Variants in NCAM2 observed in about 807,000 individuals in gnomAD.
NCAM2 encodes the protein N-CAM-2.
A neutral mutation model predicts 98.1 loss-of-function variants in NCAM2; 30 were observed. The observed-to-expected ratio is 0.31, with a 90% confidence interval of 0.23 to 0.41. The LOEUF is 0.41. NCAM2 is among the 10% of genes least tolerant of loss of function. The pLI, the probability that NCAM2 is intolerant of heterozygous loss-of-function variation, is 1.00. For synonymous variants in NCAM2, 368 were observed against 342.4 expected (o/e 1.07, Z -0.83); for missense variants, 867 against 1,005.8 (o/e 0.86, Z 1.87).
chr21:21,453,326 C>T (rs1478470956), intron 12 of NCAM2, among the ~76,000 whole-genome samples: 1 of 151,320 alleles, frequency 6.6e-6, no homozygotes, highest in African/African-American at 2.4e-5. Context: ...GGCATGATCA[C>T]ATAAATACCT....
At chr21:21,410,145 A>G (rs1028663658) in intron 9 of NCAM2, 129 bp from the exon 10 acceptor site, 4 of 601,732 alleles carry the variant, frequency 6.6e-6, no homozygotes, top group Non-Finnish European at 1.0e-5. Flanking sequence ...AAAGAAAAAA[A>G]AAAAATACAC....
At chr21:21,367,831 A>G (rs1389861522) in intron 8 of NCAM2, among the ~76,000 whole-genome samples, 1 of 151,918 alleles carries the variant, frequency 6.6e-6, no homozygotes, top group African/African-American at 2.4e-5. Flanking sequence ...TTTAGAGATT[A>G]TAGGTGCCAC....
chr21:21,448,092 C>A (rs34579318), intron 12 of NCAM2, among the ~76,000 whole-genome samples: 1 of 152,040 alleles, frequency 6.6e-6, no homozygotes, highest in Non-Finnish European at 1.5e-5. Context: ...GACACATGCA[C>A]ACGTATGTTT....
intron 5 of NCAM2, among the ~76,000 whole-genome samples, chr21:21,312,933 A>T (rs1390807776): frequency 6.6e-6 from 1 of 151,630 alleles, no homozygotes; most frequent in Non-Finnish European, 1.5e-5. Context: ...TTTTTGTTAT[A>T]TATTTTATTT....
At chr21:21,212,865 C>A (rs934300786) in intron 1 of NCAM2, among the ~76,000 whole-genome samples, 1 of 151,636 alleles carries the variant, frequency 6.6e-6, no homozygotes, top group African/African-American at 2.4e-5. Context: ...GCCTCAGCCT[C>A]CCGAGTAGCT....
In NCAM2 at chr21:21,066,944, A is replaced by G. The variant is rs530292825; in HGVS notation, c.55+68326A>G. 2.9e-3 allele frequency among the ~76,000 whole-genome samples: 437 copies of G among 152,114 alleles called. 2 individuals carry two copies. Among genetic ancestry groups the G allele is most frequent in the African/African-American group, 0.01 (427 of 41,542 alleles). ...ACTGTAGCGTGTGTTAGAGATACTC[A>G]TTCCACTGGGGGTATTACCTTAATG... On this transcript the variant is annotated intron_variant, in intron 1 of 17. Transcript: ENST00000400546.
chr21:21,293,748 G>A (rs1050327156), intron 5 of NCAM2, among the ~76,000 whole-genome samples: 3 of 151,610 alleles, frequency 2.0e-5, no homozygotes, highest in Admixed American at 1.3e-4. Context: ...TGGCTATTTA[G>A]TTTGTTAATT....
At chr21:21,014,167 C>T (rs1479515978) in intron 1 of NCAM2, among the ~76,000 whole-genome samples, 4 of 151,934 alleles carry the variant, frequency 2.6e-5, no homozygotes, top group African/African-American at 9.7e-5. Context: ...TACGCTAAGT[C>T]GTAATCCCAG....
intron 1 of NCAM2, among the ~76,000 whole-genome samples, chr21:21,265,440 A>G (rs200358821): frequency 2.8e-5 from 1 of 35,266 alleles, no homozygotes; most frequent in African/African-American, 1.6e-4. Flanking sequence ...TATATATATT[A>G]TATATACACA....
chr21:21,338,706 A>T (rs566678584), intron 8 of NCAM2, among the ~76,000 whole-genome samples, 172 bp downstream of exon 8: 1 of 152,132 alleles, frequency 6.6e-6, no homozygotes, highest in African/African-American at 2.4e-5. Context: ...CTTTCGTGGG[A>T]GGGGAAATGT....
chr21:21,055,105 C>A (rs80068547), intron 1 of NCAM2, among the ~76,000 whole-genome samples: 9,099 of 151,982 alleles, frequency 0.06, 284 homozygotes, highest in East Asian at 0.097. Flanking sequence ...TTTCAGACAA[C>A]CTTTCTTATC....
intron 14 of NCAM2, among the ~76,000 whole-genome samples, chr21:21,470,492 G>A (rs935509542): frequency 6.6e-6 from 1 of 151,996 alleles, no homozygotes; most frequent in Non-Finnish European, 1.5e-5. Context: ...AGTTGCTAAG[G>A]TATAGTTGAT....
chr21:21,250,314 G>A (rs1359432685), intron 1 of NCAM2, among the ~76,000 whole-genome samples: 2 of 152,102 alleles, frequency 1.3e-5, no homozygotes, highest in Non-Finnish European at 2.9e-5. Flanking sequence ...AGGGAGGTGC[G>A]TACTTTACCT....
At position 21,349,190 on chromosome 21, in the gene NCAM2, G is replaced by A. The variant is rs185608493; in HGVS notation, c.1044+10656G>A. 6.6e-5 allele frequency among the ~76,000 whole-genome samples: 10 copies of A among 152,024 alleles called. No individual in the cohort carries two copies. The East Asian group carries it at 1.7e-3, about 26-fold the overall frequency. On this transcript the variant is annotated intron_variant, in intron 8 of 17. Coordinates refer to ENST00000400546, the MANE Select transcript of NCAM2 (RefSeq NM_004540.5). ...AAAATATTTGTAAACTACCTGACAA[G>A]GGATTAACCAGAATATATATGGAGC...
chr21:21,197,599 C>T (rs2069051259), intron 1 of NCAM2, among the ~76,000 whole-genome samples: 1 of 152,184 alleles, frequency 6.6e-6, no homozygotes, highest in African/African-American at 2.4e-5. Context: ...AAGCAGTACT[C>T]AGGGATTTCA....
intron 1 of NCAM2, among the ~76,000 whole-genome samples, chr21:21,256,679 G>A (rs931597804): frequency 6.6e-6 from 1 of 151,856 alleles, no homozygotes; most frequent in Non-Finnish European, 1.5e-5. Context: ...CTTACATAAG[G>A]CCAACTAAAA....
chr21:21,188,548 T>C (rs1012340164), intron 1 of NCAM2, among the ~76,000 whole-genome samples: 2 of 152,192 alleles, frequency 1.3e-5, no homozygotes, highest in Non-Finnish European at 1.5e-5. Flanking sequence ...TTATTAAACA[T>C]AATGCAGGAT....
intron 1 of NCAM2, among the ~76,000 whole-genome samples, chr21:21,146,668 TCA>T (rs755972345): frequency 7.3e-5 from 11 of 151,478 alleles, no homozygotes; most frequent in Non-Finnish European, 1.3e-4. Context: ...AAACTTAAAT[TCA>T]CAGTTTCTTA....
chr21:21,347,001 G>T (rs1014117013), intron 8 of NCAM2, among the ~76,000 whole-genome samples: 1 of 151,604 alleles, frequency 6.6e-6, no homozygotes, highest in Non-Finnish European at 1.5e-5. Context: ...CACAAAATTA[G>T]TAGAAGAAAA....
Sources: allele counts gnomAD v4.1 joint callset (sites outside exome capture counted in the v4.1 genomes callset), GRCh38; gene constraint gnomAD v4.1.1; transcripts MANE v1.5; gene names NCBI Gene and HGNC (gene_info 2026-07-23, HGNC 2026-07-21).